PLVAP: variants seen among roughly 807,000 people sequenced by gnomAD.
The protein encoded by PLVAP is plasmalemma vesicle-associated protein.
PLVAP carries 34 observed loss-of-function variants against 43.1 expected under a neutral mutation model. That is an observed-to-expected ratio of 0.79 (90% CI 0.60 to 1.05). The LOEUF is 1.05. PLVAP is among the 50% of genes least tolerant of loss of function. PLVAP has a pLI of 0.00. For synonymous variants in PLVAP, 241 were observed against 237.3 expected, an observed-to-expected ratio of 1.02 and a Z score of -0.14; for missense variants, 574 against 593.4, an observed-to-expected ratio of 0.97 and a Z score of 0.34.
chr19:17,369,041 G>A (rs999522340), intron 1 of PLVAP, among the ~76,000 whole-genome samples: 1 of 152,090 alleles, frequency 6.6e-6, no homozygotes, highest in African/African-American at 2.4e-5. Context: ...AGCCTCAGAA[G>A]GAACCAACCC....
At chr19:17,356,184 C>A (rs1411612041) in intron 5 of PLVAP, among the ~76,000 whole-genome samples, 1 of 152,144 alleles carries the variant, frequency 6.6e-6, no homozygotes, top group Non-Finnish European at 1.5e-5. Context: ...CTGGCACGTG[C>A]CTGTAATCCC....
rs927563225 is a variant in PLVAP at position 17,355,529 on chromosome 19, A to T, written c.1323-3161T>A. On this transcript the variant is annotated intron_variant, in intron 5 of 5. Coordinates refer to ENST00000252590, the MANE Select transcript of PLVAP (RefSeq NM_031310.3). ...AGGTGCATGCCATCATGCCTGGTTA[A>T]TTTTTTTTTTTTTTTTTGAGACAGT... 3.7e-3 allele frequency among the ~76,000 whole-genome samples: 486 copies of T among 129,964 alleles called. 3 individuals carry two copies. The highest frequency in any genetic ancestry group is 0.013 in the African/African-American group (439 of 34,688). The allele number at this position is 129,964 out of a possible 152,430, so 85.3% of individuals were successfully genotyped here.
At chr19:17,358,534 C>T (rs918697591) in intron 5 of PLVAP, among the ~76,000 whole-genome samples, 3 of 152,106 alleles carry the variant, frequency 2.0e-5, no homozygotes, top group Non-Finnish European at 2.9e-5. Flanking sequence ...CTGACTCCTC[C>T]GTCAGTGGTG....
rs574907667 is a variant in PLVAP at position 17,364,409 on chromosome 19, C to T, written c.1179+877G>A. Among the ~76,000 whole-genome samples, 488 of 152,128 alleles carry T rather than the reference C, an allele frequency of 3.2e-3. 2 individuals carry two copies. The highest frequency in any genetic ancestry group is 0.011 in the African/African-American group (467 of 41,516). ...CTGGGGTGGGGTCTTGCTATGTTGC[C>T]CAGGCTGGTCTGAACTCCTGAGTTT... On this transcript the variant is annotated intron_variant, in intron 3 of 5. Transcript: ENST00000252590.
rs370704284 is a variant in PLVAP at position 17,365,581 on chromosome 19, T to C, written c.884A>G (p.Glu295Gly). Residue 295 changes from glutamate (E) to glycine (G), a missense_variant, in exon 3 of 6, where the codon GAA becomes GGA. Coordinates refer to ENST00000252590, the MANE Select transcript of PLVAP (RefSeq NM_031310.3). ...ELARSLRADI[E>G]RVARENSDLQ... ...GTCTGAGTTCTCGCGGGCCACGCGT[T>C]CGATATCCGCCCGGAGGCTCCGGGC... The C allele has an allele frequency of 8.7e-6, 14 of 1,612,498 alleles. No homozygotes were observed. The highest frequency in any genetic ancestry group is 1.1e-5 in the Non-Finnish European group (13 of 1,180,034).
Position 17,352,108 on chromosome 19 carries a change from G to A in PLVAP, c.*254C>T. The A allele has an allele frequency of 1.8e-6, 1 of 549,694 alleles. No homozygotes were observed. Among genetic ancestry groups the A allele is most frequent in the Non-Finnish European group, 3.3e-6 (1 of 303,308 alleles). The allele number at this position is 549,694 out of a possible 1,614,324, so 34.1% of individuals were successfully genotyped here. The stretch of plus-strand genomic sequence containing the variant: ...CATGGCCACGTGACGCCATCACCAC[G>A]GTGATATGTGACGTCAGCGCCGTTG... On this transcript the variant is annotated 3_prime_UTR_variant, in exon 6 of 6. Transcript: ENST00000252590.
At chr19:17,364,764 C>CTT (rs71162109) in intron 3 of PLVAP, among the ~76,000 whole-genome samples, 21 of 87,360 alleles carry the variant, frequency 2.4e-4, no homozygotes, top group East Asian at 4.0e-4. Flanking sequence ...TAATTCCAGT[C>CTT]TTTTTTTTTT....
intron 3 of PLVAP, 39 bp downstream of exon 3, chr19:17,365,247 A>G (rs367820138): frequency 1.5e-5 from 23 of 1,558,574 alleles, no homozygotes; most frequent in Non-Finnish European, 2.0e-5. Flanking sequence ...ATCTGGACCT[A>G]ACTCCACTGC....
intron 5 of PLVAP, among the ~76,000 whole-genome samples, chr19:17,355,227 A>ATAATAATAG (rs1568372632): frequency 1.0e-5 from 1 of 98,058 alleles, no homozygotes; most frequent in African/African-American, 6.7e-5. Flanking sequence ...CCATCTCAAA[A>ATAATAATAG]TAATAATAAT....
chr19:17,377,130 G>A lies in PLVAP; in HGVS notation c.159C>T (p.His53=), dbSNP rs142410285. 1.3e-3 allele frequency: 2,085 copies of A among 1,614,144 alleles called. 6 individuals carry two copies. Among genetic ancestry groups the A allele is most frequent in the South Asian group, 1.5e-3 (137 of 91,074 alleles). ...LVLFMVYGNV[H]VSTESNLQAT... ...CCTGCAGGTTGGACTCTGTGCTCAC[G>A]TGCACGTTGCCATAGACCATGAAGA... Residue 53 remains histidine, a synonymous_variant, in exon 1 of 6, where the codon CAC becomes CAT. Coordinates refer to ENST00000252590, the MANE Select transcript of PLVAP (RefSeq NM_031310.3).
In PLVAP at chr19:17,360,515, C is replaced by T; in HGVS notation, c.1322+13G>A. 2 of 1,612,538 alleles carry T rather than the reference C, an allele frequency of 1.2e-6. No individual in the cohort carries two copies. The highest frequency in any genetic ancestry group is 8.5e-7 in the Non-Finnish European group (1 of 1,178,574). On this transcript the variant is annotated intron_variant, in intron 5 of 5. Coordinates refer to ENST00000252590, the MANE Select transcript of PLVAP (RefSeq NM_031310.3). The stretch of plus-strand genomic sequence containing the variant: ...TCTAAGACTGAACAACTGCAGTCTG[C>T]CCAGTGCCTTACCTGGATGGGGCTA...
intron 5 of PLVAP, among the ~76,000 whole-genome samples, chr19:17,352,724 G>A (rs1027421702): frequency 1.1e-4 from 17 of 152,010 alleles, no homozygotes; most frequent in Non-Finnish European, 2.2e-4. Flanking sequence ...CAACATTCTG[G>A]GGATACTGAG....
intron 5 of PLVAP, 77 bp downstream of exon 5, chr19:17,360,450 TC>T: frequency 6.9e-7 from 1 of 1,449,876 alleles, no homozygotes; most frequent in Non-Finnish European, 9.7e-7. Flanking sequence ...GAGATCAGCC[TC>T]CCTCCACCCT....
chr19:17,352,412 A>G, intron 5 of PLVAP, 44 bp from the exon 6 acceptor site: 1 of 1,604,408 alleles, frequency 6.2e-7, no homozygotes, highest in Non-Finnish European at 8.5e-7. Context: ...TGTCAGACAG[A>G]GGGAAGGGCA....
intron 3 of PLVAP, among the ~76,000 whole-genome samples, chr19:17,363,782 A>C (rs12463187): frequency 7.0e-6 from 1 of 142,314 alleles, no homozygotes; most frequent in Non-Finnish European, 1.5e-5. Context: ...TTGCTCTGTC[A>C]CCCAGGCTGG....
rs1207055869 is a variant in PLVAP at position 17,357,312 on chromosome 19, TG to T, written c.1322+3215del. On this transcript the variant is annotated intron_variant, in intron 5 of 5. Transcript: ENST00000252590. ...CCATCTCAAAAAAAAGAAAAAGGAG[TG>T]GAAAAGGAAAAATCAACTCTCCCGA... is the stretch of plus-strand genomic sequence containing the variant. Among the ~76,000 whole-genome samples the T allele has an allele frequency of 2.1e-5, 3 of 142,398 alleles. No homozygotes were observed. The East Asian group carries it at 6.4e-4, about 30-fold the overall frequency. The allele number at this position is 142,398 out of a possible 152,430, so 93.4% of individuals were successfully genotyped here.
At chr19:17,370,001 T>TAAAAAA (rs763532839) in intron 1 of PLVAP, among the ~76,000 whole-genome samples, 40 of 88,736 alleles carry the variant, frequency 4.5e-4, no homozygotes, top group East Asian at 1.4e-3. Flanking sequence ...AGAGTCTGTC[T>TAAAAAA]AAAAAAAAAA....
In PLVAP at chr19:17,377,258, A is replaced by C. The variant is rs1400784907; in HGVS notation, c.31T>G (p.Tyr11Asp). 6.2e-7 allele frequency: 1 copy of C among 1,613,546 alleles called. No individual in the cohort carries two copies. Among genetic ancestry groups the C allele is most frequent in the Non-Finnish European group, 8.5e-7 (1 of 1,179,720 alleles). MGLAMEHGGS[Y>D]ARAGGSSRGC... ...CGAGAGCTGCCCCCCGCCCGAGCGT[A>C]GGACCCTCCGTGCTCCATGGCCAGA... is the stretch of plus-strand genomic sequence containing the variant. Residue 11 changes from tyrosine (Y) to aspartate (D), a missense_variant, in exon 1 of 6, where the codon TAC becomes GAC. Transcript: ENST00000252590.
intron 1 of PLVAP, among the ~76,000 whole-genome samples, chr19:17,366,604 C>T (rs985554300): frequency 4.6e-5 from 7 of 151,660 alleles, no homozygotes; most frequent in African/African-American, 1.7e-4. Flanking sequence ...AATATTACAT[C>T]CACATTTATG....
Sources: gnomAD v4.1 joint callset for allele counts (sites outside exome capture counted in the v4.1 genomes callset) on GRCh38, gnomAD v4.1.1 for gene constraint, MANE v1.5 for transcripts, NCBI Gene and HGNC (gene_info 2026-07-23, HGNC 2026-07-21) for gene names.